NCAM2: variants seen among roughly 807,000 people sequenced by gnomAD.
NCAM2 encodes N-CAM-2.
A neutral mutation model predicts 98.1 loss-of-function variants in NCAM2; 30 were observed. That is an observed-to-expected ratio of 0.31 (90% CI 0.23 to 0.41). The LOEUF is 0.41. Ranked by LOEUF, NCAM2 falls within the 10% of genes least tolerant of loss-of-function variation. The pLI, the probability that NCAM2 is intolerant of heterozygous loss-of-function variation, is 1.00. For synonymous variants in NCAM2, 368 were observed against 342.4 expected, an observed-to-expected ratio of 1.07 and a Z score of -0.83; for missense variants, 867 against 1,005.8, an observed-to-expected ratio of 0.86 and a Z score of 1.87.
intron 1 of NCAM2, among the ~76,000 whole-genome samples, chr21:21,074,798 C>T (rs1026878642): frequency 6.6e-6 from 1 of 151,380 alleles, no homozygotes; most frequent in African/African-American, 2.4e-5. Flanking sequence ...AGAATCAATG[C>T]AGGGAAACTA....
chr21:21,032,944 CTTTT>C (rs61400853), intron 1 of NCAM2, among the ~76,000 whole-genome samples: 1 of 148,644 alleles, frequency 6.7e-6, no homozygotes, highest in African/African-American at 2.5e-5. Flanking sequence ...TTCTTTCTTT[CTTTT>C]TTTTTTTTTT....
chr21:21,039,676 G>A (rs575443693), intron 1 of NCAM2, among the ~76,000 whole-genome samples: 53 of 152,204 alleles, frequency 3.5e-4, no homozygotes, highest in Non-Finnish European at 4.1e-4. Context: ...TGGATTTTTC[G>A]TGTGTGAAAA....
rs145647782 is a variant in NCAM2 at position 21,137,706 on chromosome 21, C to A, written c.55+139088C>A. On this transcript the variant is annotated intron_variant, in intron 1 of 17. Coordinates refer to ENST00000400546, the MANE Select transcript of NCAM2 (RefSeq NM_004540.5). ...CGAGGAGGCAGAGGTTGCAGTGAGCCGAGATCGTGCCATTGCACTCAAGCC... is the reference window on the plus strand; with the variant it reads ...CGAGGAGGCAGAGGTTGCAGTGAGCAGAGATCGTGCCATTGCACTCAAGCC... 5.6e-3 allele frequency among the ~76,000 whole-genome samples: 848 copies of A among 152,072 alleles called. 9 individuals carry two copies. Among genetic ancestry groups the A allele is most frequent in the African/African-American group, 0.019 (802 of 41,464 alleles).
intron 1 of NCAM2, among the ~76,000 whole-genome samples, chr21:21,028,705 C>A (rs1009665188): frequency 2.6e-5 from 4 of 152,126 alleles, no homozygotes; most frequent in African/African-American, 9.7e-5. Flanking sequence ...CCCTAATAGT[C>A]TTTTATTTGT....
intron 1 of NCAM2, among the ~76,000 whole-genome samples, chr21:21,181,111 C>G (rs767432142): frequency 6.6e-6 from 1 of 151,972 alleles, no homozygotes; most frequent in African/African-American, 2.4e-5. Context: ...GGGCTTGCTT[C>G]GATTACATTT....
chr21:21,508,733 T>G (rs918275028), intron 15 of NCAM2, 118 bp from the exon 16 acceptor site: 10 of 802,714 alleles, frequency 1.2e-5, no homozygotes, highest in South Asian at 2.6e-5. Flanking sequence ...TCTCTTAAAT[T>G]GAATTATTGG....
intron 1 of NCAM2, among the ~76,000 whole-genome samples, chr21:21,035,039 C>A (rs1469178873): frequency 6.6e-6 from 1 of 152,156 alleles, no homozygotes; most frequent in Non-Finnish European, 1.5e-5. Context: ...CCTCTCTTCT[C>A]AAGGTCTCTA....
At chr21:21,158,630 A>G (rs1246301001) in intron 1 of NCAM2, among the ~76,000 whole-genome samples, 1 of 148,468 alleles carries the variant, frequency 6.7e-6, no homozygotes, top group African/African-American at 2.5e-5. Context: ...AAAAAAGATT[A>G]TCATGGTTCT....
chr21:21,411,019 T>A lies in NCAM2; in HGVS notation c.1383+558T>A, dbSNP rs1404931677. Among the ~76,000 whole-genome samples, 53 of 99,020 alleles carry A rather than the reference T, an allele frequency of 5.4e-4. 1 individual carries two copies. The South Asian group carries it at 6.7e-3, about 13-fold the overall frequency. 65.0% of individuals were successfully genotyped at this position (99,020 alleles called of 152,430 possible). ...AGACTCCGTCTTAAAAAAAAAAATA[T>A]ATATATATATATACACACATATATA... On this transcript the variant is annotated intron_variant, in intron 10 of 17. Coordinates refer to ENST00000400546, the MANE Select transcript of NCAM2 (RefSeq NM_004540.5).
chr21:21,084,499 C>T (rs150343195), intron 1 of NCAM2, among the ~76,000 whole-genome samples: 51 of 152,224 alleles, frequency 3.4e-4, no homozygotes, highest in African/African-American at 1.1e-3. Context: ...TATCTGCCTA[C>T]TATTTAAAAA....
chr21:21,302,713 A>G lies in NCAM2; in HGVS notation c.619+10472A>G, dbSNP rs2073757209. Among the ~76,000 whole-genome samples, 9 of 152,200 alleles carry G rather than the reference A, an allele frequency of 5.9e-5. No individual in the cohort carries two copies. In the South Asian group the frequency reaches 1.9e-3, roughly 32 times the overall value. ...TTGGAGACTTCTTAAGAAACTTAAA[A>G]CAGATATACTATTCAACCCAGCAAT... On this transcript the variant is annotated intron_variant, in intron 5 of 17. Coordinates refer to ENST00000400546, the MANE Select transcript of NCAM2 (RefSeq NM_004540.5).
intron 1 of NCAM2, among the ~76,000 whole-genome samples, chr21:21,214,484 T>C (rs1351659145): frequency 2.0e-5 from 3 of 152,056 alleles, no homozygotes; most frequent in Admixed American, 6.6e-5. Flanking sequence ...GATTTCTTCT[T>C]ACCAATCCAA....
At chr21:21,479,407 C>T (rs903707081) in intron 15 of NCAM2, among the ~76,000 whole-genome samples, 1 of 150,820 alleles carries the variant, frequency 6.6e-6, no homozygotes, top group Non-Finnish European at 1.5e-5. Context: ...CACGGTGAAA[C>T]CCCGTCTCTA....
chr21:21,120,482 C>T (rs1051392864), intron 1 of NCAM2, among the ~76,000 whole-genome samples: 2 of 151,934 alleles, frequency 1.3e-5, no homozygotes, highest in South Asian at 2.1e-4. Context: ...TTCCTGAGGA[C>T]GATTTTAAAC....
At chr21:21,113,581 G>A (rs1043059511) in intron 1 of NCAM2, among the ~76,000 whole-genome samples, 2 of 151,852 alleles carry the variant, frequency 1.3e-5, no homozygotes, top group African/African-American at 4.8e-5. Flanking sequence ...AAAAAAAGAT[G>A]ACTGGGAAAC....
intron 1 of NCAM2, among the ~76,000 whole-genome samples, chr21:21,209,441 A>G (rs2069563738): frequency 6.6e-6 from 1 of 151,986 alleles, no homozygotes. Flanking sequence ...CCAGTCTCAA[A>G]TCCCTTGACC....
chr21:21,068,327 C>T (rs564458082), intron 1 of NCAM2, among the ~76,000 whole-genome samples: 7 of 151,040 alleles, frequency 4.6e-5, no homozygotes, highest in Non-Finnish European at 8.9e-5. Context: ...ACAGACTGGG[C>T]TTCACCATGT....
At chr21:21,155,441 C>T (rs1420033356) in intron 1 of NCAM2, among the ~76,000 whole-genome samples, 1 of 151,244 alleles carries the variant, frequency 6.6e-6, no homozygotes, top group Non-Finnish European at 1.5e-5. Flanking sequence ...CTTTCTTTTT[C>T]CTTTTATTTA....
intron 1 of NCAM2, among the ~76,000 whole-genome samples, chr21:21,278,401 T>C (rs1385152024): frequency 2.0e-5 from 3 of 152,128 alleles, no homozygotes. Context: ...AAGAAAATTG[T>C]TTACTTATTT....
Sources: gnomAD v4.1 joint callset for allele counts (sites outside exome capture counted in the v4.1 genomes callset) on GRCh38, gnomAD v4.1.1 for gene constraint, MANE v1.5 for transcripts, NCBI Gene and HGNC (gene_info 2026-07-23, HGNC 2026-07-21) for gene names.